MYRIP: variants seen among roughly 807,000 people sequenced by gnomAD.
The protein encoded by MYRIP is rab effector MyRIP.
Under a neutral mutation model 98.0 loss-of-function variants are expected in MYRIP, and 49 were observed. That is an observed-to-expected ratio of 0.50 (90% CI 0.40 to 0.63). The LOEUF is 0.63. MYRIP is among the 30% of genes least tolerant of loss of function. MYRIP has a pLI of 0.00. For synonymous variants in MYRIP, 404 were observed against 409.5 expected, an observed-to-expected ratio of 0.99 and a Z score of 0.16; for missense variants, 1,004 against 1,058.2, an observed-to-expected ratio of 0.95 and a Z score of 0.71.
At chr3:39,867,600 A>G (rs2125626016) in intron 1 of MYRIP, among the ~76,000 whole-genome samples, 1 of 152,336 alleles carries the variant, frequency 6.6e-6, no homozygotes, top group Non-Finnish European at 1.5e-5. Context: ...ACGTTGAGAT[A>G]TCTTGTCACC....
At chr3:40,188,996 T>A (rs1299070154) in intron 9 of MYRIP, among the ~76,000 whole-genome samples, 1 of 152,202 alleles carries the variant, frequency 6.6e-6, no homozygotes, top group Non-Finnish European at 1.5e-5. Flanking sequence ...CAGGCAGACC[T>A]GAGCCCAGTT....
chr3:39,885,062 C>T (rs1943254908), intron 1 of MYRIP, among the ~76,000 whole-genome samples: 1 of 151,672 alleles, frequency 6.6e-6, no homozygotes, highest in African/African-American at 2.4e-5. Context: ...TGATATGATA[C>T]AAGCTTTTCA....
At position 39,849,695 on chromosome 3, in the gene MYRIP, G is replaced by A. The variant is rs575010898; in HGVS notation, c.-31+39779G>A. Among the ~76,000 whole-genome samples the A allele has an allele frequency of 2.2e-4, 34 of 152,210 alleles. No homozygotes were observed. The South Asian group carries it at 6.6e-3, about 30-fold the overall frequency. On this transcript the variant is annotated intron_variant, in intron 1 of 16. Coordinates refer to ENST00000302541, the MANE Select transcript of MYRIP (RefSeq NM_015460.4). Reference sequence around the variant, plus strand: ...GTGTTCTTGGCAGTTGCTAGTCCTCGGGTTTTCTACAACTCAGTGTCATCT... The same window carrying A: ...GTGTTCTTGGCAGTTGCTAGTCCTCAGGTTTTCTACAACTCAGTGTCATCT...
At chr3:39,852,775 CTTCTG>C in intron 1 of MYRIP, among the ~76,000 whole-genome samples, 1 of 143,712 alleles carries the variant, frequency 7.0e-6, no homozygotes, top group South Asian at 2.1e-4. Context: ...CTTCTCTTCT[CTTCTG>C]TTCTCCTCTT....
intron 11 of MYRIP, among the ~76,000 whole-genome samples, chr3:40,222,255 G>A (rs1201036725): frequency 1.3e-5 from 2 of 152,114 alleles, no homozygotes; most frequent in Non-Finnish European, 2.9e-5. Context: ...GTAAGTTAAG[G>A]GGCAGTTTAT....
intron 2 of MYRIP, among the ~76,000 whole-genome samples, chr3:39,934,065 G>C (rs924850253): frequency 6.6e-6 from 1 of 152,200 alleles, no homozygotes; most frequent in African/African-American, 2.4e-5. Flanking sequence ...GTGCTTGAGT[G>C]AGGCCTGCAT....
intron 3 of MYRIP, among the ~76,000 whole-genome samples, chr3:40,122,488 C>T (rs1949424976): frequency 6.6e-6 from 1 of 151,314 alleles, no homozygotes; most frequent in Admixed American, 6.6e-5. Context: ...AGAAAAAATC[C>T]AGATTATCAT....
chr3:40,149,780 A>T (rs1950081791), intron 3 of MYRIP, among the ~76,000 whole-genome samples: 3 of 152,104 alleles, frequency 2.0e-5, no homozygotes, highest in Non-Finnish European at 4.4e-5. Context: ...CCTTTATGCT[A>T]TCATTGCCAA....
At chr3:40,247,914 A>T (rs150028175) in intron 13 of MYRIP, among the ~76,000 whole-genome samples, 1 of 152,210 alleles carries the variant, frequency 6.6e-6, no homozygotes, top group African/African-American at 2.4e-5. Context: ...AGGTGTCCTT[A>T]ACTTGCATGG....
chr3:40,125,111 T>A (rs1949496290), intron 3 of MYRIP, among the ~76,000 whole-genome samples: 1 of 152,346 alleles, frequency 6.6e-6, no homozygotes, highest in East Asian at 1.9e-4. Flanking sequence ...CTCATACCCA[T>A]GGTACATGTG....
intron 2 of MYRIP, among the ~76,000 whole-genome samples, chr3:39,933,445 G>T (rs1944585942): frequency 6.6e-6 from 1 of 152,184 alleles, no homozygotes; most frequent in South Asian, 2.1e-4. Context: ...TGCCCTGTAG[G>T]TTTATGCTTT....
At chr3:40,174,606 T>C (rs1179460418) in intron 8 of MYRIP, 4 of 152,150 alleles carry the variant, frequency 2.6e-5, no homozygotes, top group African/African-American at 9.7e-5. Context: ...CAGCACTGGG[T>C]GTGTAGTAGG....
At chr3:39,828,609 T>C (rs918856619) in intron 1 of MYRIP, among the ~76,000 whole-genome samples, 3 of 152,142 alleles carry the variant, frequency 2.0e-5, no homozygotes, top group African/African-American at 7.2e-5. Context: ...CCATATTTGT[T>C]GTCTTTTATC....
rs376425048 is a variant in MYRIP, at chr3:40,159,688, T to G, written c.470-3042T>G. ...GTCCCATATTTCTTGGAGGCTTTGC[T>G]CATTTCTTTTCATTCTTTTTTCTCT... On this transcript the variant is annotated intron_variant, in intron 4 of 16. Coordinates refer to ENST00000302541, the MANE Select transcript of MYRIP (RefSeq NM_015460.4). Among the ~76,000 whole-genome samples, 77 of 152,288 alleles carry G rather than the reference T, an allele frequency of 5.1e-4. No individual in the cohort carries two copies. The South Asian group carries it at 0.015, about 29-fold the overall frequency.
intron 10 of MYRIP, among the ~76,000 whole-genome samples, chr3:40,206,476 A>G (rs756172292): frequency 2.0e-5 from 3 of 152,162 alleles, no homozygotes; most frequent in Non-Finnish European, 4.4e-5. Context: ...TTGCTGCTCC[A>G]ATAAAACTTG....
rs142912191 is a variant in MYRIP at position 40,250,484 on chromosome 3, G to T, written c.2413G>T (p.Ala805Ser). ...TSRQQRRKLPAPPVKAEKIET... is the reference protein window; with the variant it reads ...TSRQQRRKLPSPPVKAEKIET... The stretch of plus-strand genomic sequence containing the variant: ...AAGGCAGCAAAGGAGGAAACTGCCT[G>T]CTCCACCGGTGAAAGGTATGCTAAA... The change falls in exon 15 of 17, where the codon GCT becomes TCT. Residue 805 changes from alanine to serine, a missense_variant. Physicochemically the swap from Ala to Ser is moderately conservative, Grantham distance 99 (BLOSUM62 1). Around this residue, in one of 3 missense-constraint regions of MYRIP, gnomAD observed 108 missense variants for 111.1 expected, o/e 0.97. Coordinates refer to ENST00000302541, the MANE Select transcript of MYRIP (RefSeq NM_015460.4). 1 of 1,614,076 alleles carries T rather than the reference G, an allele frequency of 6.2e-7. No homozygotes were observed. Among genetic ancestry groups the T allele is most frequent in the African/African-American group, 1.3e-5 (1 of 74,922 alleles).
intron 9 of MYRIP, among the ~76,000 whole-genome samples, chr3:40,183,404 T>C (rs1950943742): frequency 6.6e-6 from 1 of 152,238 alleles, no homozygotes; most frequent in Non-Finnish European, 1.5e-5. Flanking sequence ...CTTGCCTCTT[T>C]AGAGACTCTT....
At chr3:39,899,306 G>A (rs1410690186) in intron 1 of MYRIP, among the ~76,000 whole-genome samples, 4 of 152,124 alleles carry the variant, frequency 2.6e-5, no homozygotes, top group Non-Finnish European at 5.9e-5. Context: ...CCTATTGTAT[G>A]TTCTTTGCCA....
chr3:40,223,892 G>A (rs1364787494), intron 11 of MYRIP, among the ~76,000 whole-genome samples: 1 of 152,142 alleles, frequency 6.6e-6, no homozygotes, highest in African/African-American at 2.4e-5. Flanking sequence ...AGAAGATGAC[G>A]TAGGGCAGAG....
Sources: allele counts gnomAD v4.1 joint callset (sites outside exome capture counted in the v4.1 genomes callset), GRCh38; gene constraint gnomAD v4.1.1; regional missense constraint gnomAD v4.1.1; transcripts MANE v1.5; gene names NCBI Gene and HGNC (gene_info 2026-07-23, HGNC 2026-07-21).